NKX1-1: variants seen among roughly 807,000 people sequenced by gnomAD.
NKX1-1 encodes the protein NK1 transcription factor-related protein 1.
NKX1-1 carries 7 observed loss-of-function variants against 1.7 expected under a neutral mutation model. That is an observed-to-expected ratio of 4.22 (90% confidence interval 2.40 to 7.92). The LOEUF (loss-of-function observed/expected upper bound fraction) is 7.92. NKX1-1 is among the 30% of genes most tolerant of loss of function. The pLI, the probability that NKX1-1 is intolerant of heterozygous loss-of-function variation, is 0.00. For missense variants in NKX1-1, 453 were observed against 171.5 expected (o/e 2.64, Z -9.17); for synonymous variants, 242 against 85.3 (o/e 2.84, Z -10.13).
In NKX1-1 at chr4:1,402,964, C is replaced by G. The variant is rs1031936981; in HGVS notation, c.1315G>C (p.Gly439Arg). 16 of 664,998 alleles carry G rather than the reference C, an allele frequency of 2.4e-5. No homozygotes were observed. Among genetic ancestry groups the G allele is most frequent in the East Asian group, 6.3e-5 (2 of 31,798 alleles). 41.2% of individuals were successfully genotyped at this position (664,998 alleles called of 1,614,324 possible). A position where few individuals can be genotyped will look rare whatever the true frequency, so the allele number is the denominator to read the frequency against. The change falls in exon 2 of 2, where the codon GGG becomes CGG. Residue 439 changes from glycine (G) to arginine (R), a missense_variant. Gly to Arg is a moderately radical substitution (Grantham distance 125, BLOSUM62 -2). Coordinates refer to ENST00000422806, the MANE Select transcript of NKX1-1 (RefSeq NM_001290079.1). ...TGCGGCGCGTAGAAGGCGGGCGCCC[C>G]GTAGGTCTGCGAGCCCAGCACGAAG... ...SPFVLGSQTY[G>R]APAFYAPHL
Position 1,403,714 on chromosome 4 carries a change from C to G in NKX1-1, c.565G>C (p.Glu189Gln), listed in dbSNP as rs1484447169. 2 of 689,102 alleles carry G rather than the reference C, an allele frequency of 2.9e-6. No homozygotes were observed. Among genetic ancestry groups the G allele is most frequent in the Admixed American group, 2.1e-5 (1 of 48,348 alleles). The allele number at this position is 689,102 out of a possible 1,614,324, so 42.7% of individuals were successfully genotyped here. Residue 189 changes from glutamate (E) to glutamine (Q), a missense_variant, in exon 2 of 2, where the codon GAG (glutamate) becomes CAG (glutamine). Physicochemically the swap from Glu to Gln is conservative, Grantham distance 29. Transcript: ENST00000422806. ...TCGTCGTCCTCGTCGTCGGGAACCT[C>G]GTCCCCGCTGTCCGCGCTCGGGCTG... ...GHSPSADSGDEVPDDEDDDED... is the reference protein window; with the variant it reads ...GHSPSADSGDQVPDDEDDDED...
Position 1,403,291 on chromosome 4 carries a change from C to A in NKX1-1, c.988G>T (p.Ala330Ser). Residue 330 changes from alanine (A) to serine (S), a missense_variant, in exon 2 of 2, where the codon GCG becomes TCG. By Grantham distance (99) the Ala-to-Ser change is moderately conservative. Coordinates refer to ENST00000422806, the MANE Select transcript of NKX1-1 (RefSeq NM_001290079.1). ...GTCTCGGTGAGGCTGAGCGACAGCG[C>A]CAGGTTGAGGCGCTCGCACACCGAC... ...YLSVCERLNL[A>S]LSLSLTETQV... 1.4e-6 allele frequency: 1 copy of A among 718,264 alleles called. No individual in the cohort carries two copies. Among genetic ancestry groups the A allele is most frequent in the Non-Finnish European group, 2.6e-6 (1 of 389,364 alleles). The allele number at this position is 718,264 out of a possible 1,614,324, so 44.5% of individuals were successfully genotyped here.
Position 1,406,400 on chromosome 4 carries a change from G to C in NKX1-1, c.43C>G (p.Leu15Val), listed in dbSNP as rs1286587901. The stretch of plus-strand genomic sequence containing the variant: ...GAACCTGGCTGGGGAGGCGGCGGTA[G>C]CGCGGGAATGTCCCCAGGAGCCTCG... ...GPEAPGDIPALPPPPQPGSGP... is the reference protein window; with the variant it reads ...GPEAPGDIPAVPPPPQPGSGP... The change falls in exon 1 of 2, where the codon CTA becomes GTA. Residue 15 changes from leucine to valine, a missense_variant. Leu to Val is a conservative substitution (Grantham distance 32). Transcript: ENST00000422806. 3 of 352,570 alleles carry C rather than the reference G, an allele frequency of 8.5e-6. No individual in the cohort carries two copies. Among genetic ancestry groups the C allele is most frequent in the Non-Finnish European group, 1.0e-5 (2 of 197,064 alleles). The allele number at this position is 352,570 out of a possible 1,614,324, so 21.8% of individuals were successfully genotyped here.
At chr4:1,404,544 G>A (rs527763958) in intron 1 of NKX1-1, among the ~76,000 whole-genome samples, 15 of 152,378 alleles carry the variant, frequency 9.8e-5, no homozygotes, top group Admixed American at 6.5e-4. Context: ...GCAGGTCGGA[G>A]TGGCTCCCCG....
Position 1,403,757 on chromosome 4 carries a change from G to A in NKX1-1, c.522C>T (p.Ser174=), listed in dbSNP as rs917889092. The A allele has an allele frequency of 2.9e-6, 2 of 684,796 alleles. No homozygotes were observed. The highest frequency in any genetic ancestry group is 1.8e-5 in the African/African-American group (1 of 54,588). The allele number at this position is 684,796 out of a possible 1,614,324, so 42.4% of individuals were successfully genotyped here. A position where few individuals can be genotyped will look rare whatever the true frequency, so the allele number is the denominator to read the frequency against. Residue 174 remains serine, a synonymous_variant, in exon 2 of 2, where the codon AGC becomes AGT. Coordinates refer to ENST00000422806, the MANE Select transcript of NKX1-1 (RefSeq NM_001290079.1). Reference sequence around the variant, plus strand: ...TCGGGCTGTGGCCGCCGCCGCCGCTGCTGTAGCCGTTGGTGTCGTTGGTCT... The same window carrying A: ...TCGGGCTGTGGCCGCCGCCGCCGCTACTGTAGCCGTTGGTGTCGTTGGTCT... The part of the protein sequence containing the change: ...EAETNDTNGY[S]SGGGGHSPSA...
Position 1,406,205 on chromosome 4 carries a change from T to C in NKX1-1, c.238A>G (p.Thr80Ala). Residue 80 changes from threonine (T) to alanine (A), a missense_variant, in exon 1 of 2, where the codon ACC becomes GCC. By Grantham distance (58) the Thr-to-Ala change is moderately conservative. Coordinates refer to ENST00000422806, the MANE Select transcript of NKX1-1 (RefSeq NM_001290079.1). ...AARPAAPLRP[T>A]SFSVLDILDP... is the part of the protein sequence containing the mutation. ...AGGATGTCCAGTACCGAGAAGGAGG[T>C]GGGGCGCAGGGGCGCTGCGGGCCGG... The C allele has an allele frequency of 1.7e-6, 1 of 578,866 alleles. No homozygotes were observed. The highest frequency in any genetic ancestry group is 1.9e-5 in the South Asian group (1 of 53,416). The allele number at this position is 578,866 out of a possible 1,614,324, so 35.9% of individuals were successfully genotyped here.
At chr4:1,404,696 G>A (rs1035264575) in intron 1 of NKX1-1, among the ~76,000 whole-genome samples, 5 of 152,254 alleles carry the variant, frequency 3.3e-5, no homozygotes, top group Admixed American at 6.5e-5. Context: ...CCCGGCACTG[G>A]GGGCCTAAGT....
Position 1,403,567 on chromosome 4 carries a change from C to G in NKX1-1, c.712G>C (p.Gly238Arg). ...QGAAETDASPGATVDEAAAPG... is the reference protein window; with the variant it reads ...QGAAETDASPRATVDEAAAPG... Reference sequence around the variant, plus strand: ...GCCGCTGCCTCGTCGACGGTGGCTCCGGGGGACGCGTCGGTCTCAGCCGCG... The same window carrying G: ...GCCGCTGCCTCGTCGACGGTGGCTCGGGGGGACGCGTCGGTCTCAGCCGCG... The change falls in exon 2 of 2, where the codon GGA becomes CGA. Residue 238 changes from glycine (G) to arginine (R), a missense_variant. Transcript: ENST00000422806. 1 of 453,300 alleles carries G rather than the reference C, an allele frequency of 2.2e-6. No homozygotes were observed. Among genetic ancestry groups the G allele is most frequent in the Non-Finnish European group, 3.8e-6 (1 of 261,696 alleles). 28.1% of individuals were successfully genotyped at this position (453,300 alleles called of 1,614,324 possible).
At chr4:1,404,812 G>A in intron 1 of NKX1-1, among the ~76,000 whole-genome samples, 1 of 152,164 alleles carries the variant, frequency 6.6e-6, no homozygotes, top group South Asian at 2.1e-4. Flanking sequence ...ATGACCAATC[G>A]CTCCTGTCAG....
intron 1 of NKX1-1, 104 bp downstream of exon 1, chr4:1,405,876 G>T: frequency 2.5e-6 from 1 of 397,220 alleles, no homozygotes; most frequent in South Asian, 1.0e-4. Flanking sequence ...ACGGAGCCTC[G>T]GCGTGGGCCA....
In NKX1-1 at chr4:1,404,332, CG is replaced by C. The variant is rs1305519458; in HGVS notation, c.464-518del. Among the ~76,000 whole-genome samples, 135 of 152,380 alleles carry C rather than the reference CG, an allele frequency of 8.9e-4. 1 individual carries two copies. Among genetic ancestry groups the C allele is most frequent in the African/African-American group, 3.1e-3 (130 of 41,592 alleles). On this transcript the variant is annotated intron_variant, in intron 1 of 1. Coordinates refer to ENST00000422806, the MANE Select transcript of NKX1-1 (RefSeq NM_001290079.1). ...GCCGGGCATTTAATAACAGGCCCGG[CG>C]GTGGGGCCGGAGCCGGCCGAGAGAA... is the stretch of plus-strand genomic sequence containing the variant.
Position 1,406,111 on chromosome 4 carries a change from C to A in NKX1-1, c.332G>T (p.Cys111Phe). Reference sequence around the variant, plus strand: ...GCATGGGGCCGAAGCGCAAGGGGCGCACGCAGCGGGAGCCACTGGGCCCAG... The same window carrying A: ...GCATGGGGCCGAAGCGCAAGGGGCGAACGCAGCGGGAGCCACTGGGCCCAG... ...VLLGPVAPAA[C>F]APCASAPCAP... Residue 111 changes from cysteine to phenylalanine, a missense_variant, in exon 1 of 2, where the codon TGC (cysteine) becomes TTC (phenylalanine). Transcript: ENST00000422806. 2 of 582,306 alleles carry A rather than the reference C, an allele frequency of 3.4e-6. No homozygotes were observed. Among genetic ancestry groups the A allele is most frequent in the East Asian group, 3.5e-5 (1 of 28,522 alleles). 36.1% of individuals were successfully genotyped at this position (582,306 alleles called of 1,614,324 possible).
chr4:1,405,115 CG>C (rs1720727016), intron 1 of NKX1-1, among the ~76,000 whole-genome samples: 1 of 152,222 alleles, frequency 6.6e-6, no homozygotes, highest in South Asian at 2.1e-4. Flanking sequence ...CCCTCCATCT[CG>C]GCCGACCCGG....
chr4:1,402,960 G>T lies in NKX1-1; in HGVS notation c.1319C>A (p.Ala440Glu). The change falls in exon 2 of 2, where the codon GCG becomes GAG. Residue 440 changes from alanine to glutamate, a missense_variant. By Grantham distance (107) the Ala-to-Glu change is moderately radical (BLOSUM62 -1). Transcript: ENST00000422806. Reference sequence around the variant, plus strand: ...GAGGTGCGGCGCGTAGAAGGCGGGCGCCCCGTAGGTCTGCGAGCCCAGCAC... The same window carrying T: ...GAGGTGCGGCGCGTAGAAGGCGGGCTCCCCGTAGGTCTGCGAGCCCAGCAC... ...PFVLGSQTYGAPAFYAPHL is the reference protein window; with the variant it reads ...PFVLGSQTYGEPAFYAPHL 3.0e-6 allele frequency: 2 copies of T among 665,228 alleles called. No homozygotes were observed. The highest frequency in any genetic ancestry group is 3.1e-5 in the South Asian group (2 of 64,646). 41.2% of individuals were successfully genotyped at this position (665,228 alleles called of 1,614,324 possible).
chr4:1,406,013 C>G lies in NKX1-1; in HGVS notation c.430G>C (p.Gly144Arg), dbSNP rs1345075830. ...TCAGCTCCGGCGGCTCCGACTCCCC[C>G]GGCGCCGGCGAGGGCGCGGCGCTCC... is the stretch of plus-strand genomic sequence containing the variant. ...ELERRALAGA[G>R]GVGAAGAEPP... Residue 144 changes from glycine (G) to arginine (R), a missense_variant, in exon 1 of 2, where the codon GGG (glycine) becomes CGG (arginine). Physicochemically the swap from Gly to Arg is moderately radical, Grantham distance 125. Transcript: ENST00000422806. 4 of 476,588 alleles carry G rather than the reference C, an allele frequency of 8.4e-6. No homozygotes were observed. Among genetic ancestry groups the G allele is most frequent in the Admixed American group, 4.3e-5 (1 of 23,184 alleles). 29.5% of individuals were successfully genotyped at this position (476,588 alleles called of 1,614,324 possible). A position where few individuals can be genotyped will look rare whatever the true frequency, so the allele number is the denominator to read the frequency against.
Position 1,402,941 on chromosome 4 carries a change from C to T in NKX1-1, c.1338G>A (p.Pro446=), listed in dbSNP as rs1720676983. 1 of 663,972 alleles carries T rather than the reference C, an allele frequency of 1.5e-6. No individual in the cohort carries two copies. Among genetic ancestry groups the T allele is most frequent in the East Asian group, 3.1e-5 (1 of 31,848 alleles). The allele number at this position is 663,972 out of a possible 1,614,324, so 41.1% of individuals were successfully genotyped here. Residue 446 remains proline (P), a synonymous_variant, in exon 2 of 2, where the codon CCG becomes CCA. Transcript: ENST00000422806. ...QTYGAPAFYA[P]HL is the part of the protein sequence containing the mutation. ...CGGAGCGGCACGGGGCTCAGAGGTGCGGCGCGTAGAAGGCGGGCGCCCCGT... is the reference window on the plus strand; with the variant it reads ...CGGAGCGGCACGGGGCTCAGAGGTGTGGCGCGTAGAAGGCGGGCGCCCCGT...
Position 1,403,414 on chromosome 4 carries a change from A to G in NKX1-1, c.865T>C (p.Ser289Pro). ...AAKPKRKRTG[S>P]DSKSGKPRRA... ...CGCGGCTTCCCGGACTTGGAGTCGG[A>G]CCCCGTGCGCTTCCGCTTGGGCTTC... Residue 289 changes from serine (S) to proline (P), a missense_variant, in exon 2 of 2, where the codon TCC becomes CCC. Physicochemically the swap from Ser to Pro is moderately conservative, Grantham distance 74. Coordinates refer to ENST00000422806, the MANE Select transcript of NKX1-1 (RefSeq NM_001290079.1). The G allele has an allele frequency of 4.6e-6, 3 of 652,656 alleles. No homozygotes were observed. The highest frequency in any genetic ancestry group is 8.3e-6 in the Non-Finnish European group (3 of 361,282). The allele number at this position is 652,656 out of a possible 1,614,324, so 40.4% of individuals were successfully genotyped here.
Position 1,403,400 on chromosome 4 carries a change from G to A in NKX1-1, c.879C>T (p.Ser293=). The change falls in exon 2 of 2, where the codon TCC becomes TCT. Residue 293 remains serine, a synonymous_variant. Coordinates refer to ENST00000422806, the MANE Select transcript of NKX1-1 (RefSeq NM_001290079.1). ...KRKRTGSDSK[S]GKPRRARTAF... is the part of the protein sequence containing the mutation. ...CGGTGCGCGCTCGCCGCGGCTTCCC[G>A]GACTTGGAGTCGGACCCCGTGCGCT... 3 of 673,330 alleles carry A rather than the reference G, an allele frequency of 4.5e-6. No individual in the cohort carries two copies. Among genetic ancestry groups the A allele is most frequent in the Non-Finnish European group, 8.0e-6 (3 of 374,542 alleles). The allele number at this position is 673,330 out of a possible 1,614,324, so 41.7% of individuals were successfully genotyped here. A position where few individuals can be genotyped will look rare whatever the true frequency, so the allele number is the denominator to read the frequency against.
In NKX1-1 at chr4:1,406,283, G is replaced by T; in HGVS notation, c.160C>A (p.Pro54Thr). Residue 54 changes from proline to threonine, a missense_variant, in exon 1 of 2, where the codon CCG (proline) becomes ACG (threonine). Physicochemically the swap from Pro to Thr is conservative, Grantham distance 38. Coordinates refer to ENST00000422806, the MANE Select transcript of NKX1-1 (RefSeq NM_001290079.1). ...GGCACAGTGTCGCTGGCCGCGAGCG[G>T]CGGGGCTCCAGCGCGGGGAAAGGCC... ...LPAFPRAGAP[P>T]LAASDTVPAA... is the part of the protein sequence containing the mutation. 2.4e-6 allele frequency: 1 copy of T among 410,466 alleles called. No individual in the cohort carries two copies. The highest frequency in any genetic ancestry group is 4.2e-6 in the Non-Finnish European group (1 of 235,594). The allele number at this position is 410,466 out of a possible 1,614,324, so 25.4% of individuals were successfully genotyped here.
Sources: gnomAD v4.1 joint callset for allele counts (sites outside exome capture counted in the v4.1 genomes callset) on GRCh38, gnomAD v4.1.1 for gene constraint, MANE v1.5 for transcripts, NCBI Gene and HGNC (gene_info 2026-07-23, HGNC 2026-07-21) for gene names.